Variants in TEX9 observed in about 807,000 individuals in gnomAD.
The protein encoded by TEX9 is testis-expressed protein 9.
Under a neutral mutation model 59.6 loss-of-function variants are expected in TEX9, and 74 were observed. The observed-to-expected ratio is 1.24, with a 90% CI of 1.03 to 1.51. The LOEUF is 1.51. Ranked by LOEUF, TEX9 falls within the 40% of genes most tolerant of loss-of-function variation. The pLI, the probability that TEX9 is intolerant of heterozygous loss-of-function variation, is 0.00. For synonymous variants in TEX9, 186 were observed against 152.2 expected (o/e 1.22, Z -1.64); for missense variants, 522 against 447.8 (o/e 1.17, Z -1.49).
intron 12 of TEX9, chr15:56,443,705 T>C: frequency 6.2e-7 from 1 of 1,613,526 alleles, no homozygotes. Flanking sequence ...TTCTTCTCTT[T>C]GCTGCTGCAT....
At chr15:56,263,747 C>G (rs1490516845) in intron 1 of TEX9, among the ~76,000 whole-genome samples, 1 of 152,204 alleles carries the variant, frequency 6.6e-6, no homozygotes, top group Admixed American at 6.5e-5. Context: ...CTACTGACCT[C>G]TTTTCTATCC....
At chr15:56,329,207 G>C (rs1440590373) in intron 1 of TEX9, among the ~76,000 whole-genome samples, 3 of 152,162 alleles carry the variant, frequency 2.0e-5, no homozygotes, top group African/African-American at 7.2e-5. Context: ...GAGTCTAGAA[G>C]AACCACAACA....
chr15:56,369,931 G>C (rs1342372641), intron 2 of TEX9, among the ~76,000 whole-genome samples: 3 of 151,572 alleles, frequency 2.0e-5, no homozygotes, highest in Non-Finnish European at 4.4e-5. Flanking sequence ...GGAATATCTT[G>C]TTTGACTTAT....
intron 1 of TEX9, among the ~76,000 whole-genome samples, chr15:56,318,415 G>A (rs532326739): frequency 2.6e-5 from 4 of 152,034 alleles, no homozygotes; most frequent in South Asian, 2.1e-4. Flanking sequence ...GCATCATATT[G>A]TAGGCAGCAT....
intron 1 of TEX9, among the ~76,000 whole-genome samples, chr15:56,354,821 A>G (rs1000645178): frequency 3.3e-5 from 5 of 152,202 alleles, no homozygotes; most frequent in Non-Finnish European, 5.9e-5. Flanking sequence ...AGACTGAACA[A>G]CAGTTGATGA....
intron 1 of TEX9, among the ~76,000 whole-genome samples, chr15:56,285,111 A>T (rs1325935406): frequency 6.6e-6 from 1 of 152,138 alleles, no homozygotes; most frequent in Non-Finnish European, 1.5e-5. Flanking sequence ...TGCCTTTCGT[A>T]TCTCACACCT....
chr15:56,397,418 T>C (rs1456204367), intron 9 of TEX9: 1 of 152,248 alleles, frequency 6.6e-6, no homozygotes, highest in African/African-American at 2.4e-5. Flanking sequence ...AGCCTGAGAA[T>C]GCAGTGGAAA....
chr15:56,269,167 A>G (rs2044462493), intron 1 of TEX9, among the ~76,000 whole-genome samples: 2 of 151,942 alleles, frequency 1.3e-5, no homozygotes, highest in Non-Finnish European at 2.9e-5. Context: ...ATCCGTGGTG[A>G]TATCCCCTTT....
intron 1 of TEX9, among the ~76,000 whole-genome samples, chr15:56,278,932 G>A (rs752285960): frequency 1.1e-4 from 16 of 151,932 alleles, no homozygotes; most frequent in African/African-American, 2.2e-4. Context: ...TATTAAAAAG[G>A]GGTCTTCCTC....
At chr15:56,415,434 A>G (rs1160103507) in intron 10 of TEX9, among the ~76,000 whole-genome samples, 1 of 151,916 alleles carries the variant, frequency 6.6e-6, no homozygotes, top group Non-Finnish European at 1.5e-5. Context: ...GAAAGGGTCC[A>G]GCTTCAGTCT....
At chr15:56,404,491 G>C (rs76888292) in intron 9 of TEX9, among the ~76,000 whole-genome samples, 71,774 of 151,954 alleles carry the variant, frequency 0.47, 17,113 homozygotes, top group South Asian at 0.64. Context: ...ACAACAGATG[G>C]TGGAGAGGAT....
Position 56,365,623 on chromosome 15 carries a change from A to C in TEX9, c.72A>C (p.Gln24His), listed in dbSNP as rs768058905. ...CTCCGTTCCCGCCACCCGTTCAGCA[A>C]CCCTCTACACCTGGACCCGACCTCC... Residue 24 changes from glutamine (Q) to histidine (H), a missense_variant, in exon 2 of 13, where the codon CAA (glutamine) becomes CAC (histidine). Transcript: ENST00000352903. 60 of 1,613,928 alleles carry C rather than the reference A, an allele frequency of 3.7e-5. No individual in the cohort carries two copies. The highest frequency in any genetic ancestry group is 4.8e-5 in the Non-Finnish European group (57 of 1,179,984).
chr15:56,292,506 G>A (rs932495824), intron 1 of TEX9, among the ~76,000 whole-genome samples: 1 of 152,108 alleles, frequency 6.6e-6, no homozygotes, highest in African/African-American at 2.4e-5. Flanking sequence ...GCCTGGGAAG[G>A]GCCTTAGACC....
chr15:56,431,548 C>T (rs754460591), intron 12 of TEX9: 66 of 1,596,298 alleles, frequency 4.1e-5, no homozygotes, highest in East Asian at 2.2e-4. Flanking sequence ...TAATCTTATA[C>T]GAAGTTTTCA....
intron 1 of TEX9, among the ~76,000 whole-genome samples, chr15:56,297,569 AT>A (rs1404959761): frequency 6.6e-6 from 1 of 152,144 alleles, no homozygotes; most frequent in Non-Finnish European, 1.5e-5. Context: ...CAGTGGTGCG[AT>A]CTTGGCTCAC....
At chr15:56,449,683 G>A (rs1188687442), downstream of TEX9, among the ~76,000 whole-genome samples, 18 of 152,220 alleles carry the variant, frequency 1.2e-4, no homozygotes, top group African/African-American at 3.9e-4. Context: ...AATTCACCTA[G>A]CCCTGTAGGT....
intron 12 of TEX9, among the ~76,000 whole-genome samples, chr15:56,444,219 G>A (rs2050868497): frequency 6.6e-6 from 1 of 152,018 alleles, no homozygotes; most frequent in Non-Finnish European, 1.5e-5. Flanking sequence ...AAAGGTTTAG[G>A]TCATTCAATC....
downstream of TEX9, chr15:56,447,767 G>A (rs1315570047): frequency 1.3e-5 from 2 of 152,014 alleles, no homozygotes; most frequent in African/African-American, 4.8e-5. Flanking sequence ...TCATGAACAC[G>A]TCCCAATCAC....
At chr15:56,428,442 TAAGTGATCTACTTCA>T in exon 12 of TEX9, 1 of 1,608,076 alleles carries the variant, frequency 6.2e-7, no homozygotes, top group Non-Finnish European at 8.5e-7. Context: ...GGGAAATTCA[TAAGTGATCTACTTCA>T]GTTAGTCTCT....
Sources: allele counts gnomAD v4.1 joint callset (sites outside exome capture counted in the v4.1 genomes callset), GRCh38; gene constraint gnomAD v4.1.1; transcripts MANE v1.5; gene names NCBI Gene and HGNC (gene_info 2026-07-23, HGNC 2026-07-21).